LARGE1: variants seen among roughly 807,000 people sequenced by gnomAD.
LARGE1 encodes the protein xylosyl- and glucuronyltransferase LARGE1.
A neutral mutation model predicts 87.6 loss-of-function variants in LARGE1; 43 were observed. The observed-to-expected ratio is 0.49, with a 90% CI of 0.38 to 0.63. The LOEUF is 0.63. LARGE1 is among the 30% of genes least tolerant of loss of function. LARGE1 has a pLI of 0.00. For missense variants in LARGE1, 802 were observed against 1,000.2 expected (o/e 0.80, Z 2.67); for synonymous variants, 434 against 394.6 (o/e 1.10, Z -1.18).
At chr22:33,906,358 G>A (rs185339027) in intron 1 of LARGE1, among the ~76,000 whole-genome samples, 1 of 152,276 alleles carries the variant, frequency 6.6e-6, no homozygotes, top group Admixed American at 6.5e-5. Context: ...CCAGGGGTAT[G>A]TATATTTCCA....
chr22:33,185,684 A>G (rs561045389), intron 11 of LARGE1, among the ~76,000 whole-genome samples: 23 of 152,224 alleles, frequency 1.5e-4, no homozygotes, highest in Admixed American at 2.6e-4. Flanking sequence ...CTGTAATTCC[A>G]CTCAATGTTG....
In LARGE1 at chr22:33,626,156, A is replaced by G. The variant is rs1434709505; in HGVS notation, c.491+88T>C. The G allele has an allele frequency of 1.9e-5, 21 of 1,079,066 alleles. No homozygotes were observed. The Admixed American group carries it at 3.5e-4, about 18-fold the overall frequency. The allele number at this position is 1,079,066 out of a possible 1,614,324, so 66.8% of individuals were successfully genotyped here. A position where few individuals can be genotyped will look rare whatever the true frequency, so the allele number is the denominator to read the frequency against. On this transcript the variant is annotated intron_variant, in intron 4 of 14. Coordinates refer to ENST00000397394, the MANE Select transcript of LARGE1 (RefSeq NM_133642.5). ...TGGCAGCTAGAATGATTGATGAGAA[A>G]TTTTGCTCCTATTTAACCCTTCCCC...
At chr22:33,370,623 A>G (rs2064771699) in intron 9 of LARGE1, among the ~76,000 whole-genome samples, 1 of 152,124 alleles carries the variant, frequency 6.6e-6, no homozygotes, top group Admixed American at 6.6e-5. Flanking sequence ...TAAAAGCAGT[A>G]AGATCTTTGT....
rs115549399 is a variant in LARGE1, at chr22:33,327,791, C to T, written c.1287+9855G>A. 4.6e-3 allele frequency among the ~76,000 whole-genome samples: 695 copies of T among 152,298 alleles called. 5 individuals carry two copies. The highest frequency in any genetic ancestry group is 0.015 in the African/African-American group (628 of 41,564). ...TCCTGGGGCTCAAGTGATCTTCCTG[C>T]CTCAGCCTCTCAAAGTGCTGGGATT... On this transcript the variant is annotated intron_variant, in intron 10 of 14. Transcript: ENST00000397394.
intron 9 of LARGE1, among the ~76,000 whole-genome samples, chr22:33,350,204 G>A (rs941411823): frequency 6.6e-6 from 1 of 152,136 alleles, no homozygotes; most frequent in Non-Finnish European, 1.5e-5. Flanking sequence ...GTTCCTTTAT[G>A]CTATAAAATG....
At chr22:33,186,214 A>G (rs1923466771) in intron 11 of LARGE1, among the ~76,000 whole-genome samples, 1 of 152,172 alleles carries the variant, frequency 6.6e-6, no homozygotes, top group Admixed American at 6.5e-5. Flanking sequence ...ACCAAAACAT[A>G]ACAAGAAAAT....
At chr22:33,441,091 T>TTTTTTTTTTTTTTTTTTGG (rs2067457012) in intron 6 of LARGE1, among the ~76,000 whole-genome samples, 1 of 143,466 alleles carries the variant, frequency 7.0e-6, no homozygotes, top group African/African-American at 2.7e-5. Context: ...TTTTTTTTTT[T>TTTTTTTTTTTTTTTTTTGG]GAGAGGGAGT....
At chr22:33,399,166 G>T (rs1178948792) in intron 7 of LARGE1, among the ~76,000 whole-genome samples, 1 of 151,536 alleles carries the variant, frequency 6.6e-6, no homozygotes, top group East Asian at 1.9e-4. Flanking sequence ...GCCCCCATGT[G>T]TGATGTTCTG....
intron 1 of LARGE1, among the ~76,000 whole-genome samples, chr22:33,833,904 C>G (rs928906679): frequency 6.6e-6 from 1 of 152,090 alleles, no homozygotes; most frequent in Non-Finnish European, 1.5e-5. Context: ...TCCGGCTGGT[C>G]TCGAACTCCT....
chr22:33,636,359 G>A (rs240606), intron 3 of LARGE1, among the ~76,000 whole-genome samples: 197 of 152,188 alleles, frequency 1.3e-3, no homozygotes, highest in African/African-American at 4.5e-3. Flanking sequence ...TCAGTGTAGC[G>A]CCATGTTATG....
intron 1 of LARGE1, among the ~76,000 whole-genome samples, chr22:33,840,113 A>G (rs2063233758): frequency 6.6e-6 from 1 of 152,216 alleles, no homozygotes; most frequent in South Asian, 2.1e-4. Context: ...ATACGCAGGA[A>G]ATGCACACCC....
intron 5 of LARGE1, among the ~76,000 whole-genome samples, chr22:33,575,939 C>A (rs992065862): frequency 2.6e-5 from 4 of 152,162 alleles, no homozygotes; most frequent in Non-Finnish European, 5.9e-5. Context: ...GCCTGAACAT[C>A]CTTCAGTACT....
chr22:33,516,835 C>T (rs5998982), intron 6 of LARGE1, among the ~76,000 whole-genome samples: 2,535 of 152,208 alleles, frequency 0.017, 57 homozygotes, highest in African/African-American at 0.048. Context: ...GCGCCCACCT[C>T]GGCCTCCCAA....
intron 11 of LARGE1, among the ~76,000 whole-genome samples, chr22:33,215,873 T>C (rs112261352): frequency 0.023 from 3,435 of 151,980 alleles, 133 homozygotes; most frequent in African/African-American, 0.077. Flanking sequence ...GGAGAATCAG[T>C]TGAATTTGGG....
intron 2 of LARGE1, among the ~76,000 whole-genome samples, chr22:33,690,197 C>A (rs1371578449): frequency 6.6e-6 from 1 of 151,978 alleles, no homozygotes; most frequent in African/African-American, 2.4e-5. Flanking sequence ...GAATACAGAA[C>A]CCAAAAAGTA....
At chr22:33,400,050 T>C (rs2065884289) in intron 7 of LARGE1, among the ~76,000 whole-genome samples, 1 of 152,218 alleles carries the variant, frequency 6.6e-6, no homozygotes, top group African/African-American at 2.4e-5. Flanking sequence ...TAGTTGTCTC[T>C]TCTCTCGCTC....
chr22:33,622,443 C>A (rs999954470), intron 4 of LARGE1, among the ~76,000 whole-genome samples: 2 of 152,216 alleles, frequency 1.3e-5, no homozygotes, highest in Admixed American at 1.3e-4. Flanking sequence ...AATTAAACCC[C>A]TTTCCTTTAC....
At chr22:33,564,529 G>A (rs145429255) in intron 6 of LARGE1, among the ~76,000 whole-genome samples, 7 of 152,034 alleles carry the variant, frequency 4.6e-5, no homozygotes, top group Non-Finnish European at 1.0e-4. Flanking sequence ...ACTATCCTTC[G>A]ATAAAAAGAA....
chr22:33,437,813 G>A (rs974074543), intron 6 of LARGE1, among the ~76,000 whole-genome samples: 8 of 152,172 alleles, frequency 5.3e-5, no homozygotes, highest in Non-Finnish European at 8.8e-5. Context: ...GCTAGAAGAG[G>A]AGACAGATAA....
Sources: gnomAD v4.1 joint callset for allele counts (sites outside exome capture counted in the v4.1 genomes callset) on GRCh38, gnomAD v4.1.1 for gene constraint, MANE v1.5 for transcripts, NCBI Gene and HGNC (gene_info 2026-07-23, HGNC 2026-07-21) for gene names.